Variants in CNTN5 observed in about 807,000 individuals in gnomAD.
The protein encoded by CNTN5 is contactin-5.
In CNTN5, 77 loss-of-function variants were observed where a neutral mutation model predicts 129.1. That is an observed-to-expected ratio of 0.60 (90% CI 0.50 to 0.72). The LOEUF is 0.72. CNTN5 is among the 30% of genes least tolerant of loss of function. CNTN5 has a pLI of 0.00. For synonymous variants in CNTN5, 509 were observed against 465.6 expected, an observed-to-expected ratio of 1.09 and a Z score of -1.20; for missense variants, 1,478 against 1,328.8, an observed-to-expected ratio of 1.11 and a Z score of -1.75.
At position 99,675,392 on chromosome 11, in the gene CNTN5, A is replaced by G. The variant is rs370662929; in HGVS notation, c.55+119123A>G. Reference sequence around the variant, plus strand: ...TAGATAGATTTTGGTAAAAGAGTAAAAAAATGCAGGCTGGGTGCGGTGGCT... The same window carrying G: ...TAGATAGATTTTGGTAAAAGAGTAAGAAAATGCAGGCTGGGTGCGGTGGCT... On this transcript the variant is annotated intron_variant, in intron 3 of 24. Coordinates refer to ENST00000524871, the MANE Select transcript of CNTN5 (RefSeq NM_014361.4). 2.3e-4 allele frequency among the ~76,000 whole-genome samples: 35 copies of G among 152,220 alleles called. 1 individual carries two copies. The South Asian group carries it at 6.4e-3, about 28-fold the overall frequency.
At position 99,753,563 on chromosome 11, in the gene CNTN5, G is replaced by A. The variant is rs566732388; in HGVS notation, c.56-65981G>A. Among the ~76,000 whole-genome samples, 3 of 147,322 alleles carry A rather than the reference G, an allele frequency of 2.0e-5. No individual in the cohort carries two copies. In the East Asian group the frequency reaches 6.0e-4, roughly 29 times the overall value. ...TCAGGATCTCCTTTGGCTTCTGCTT[G>A]CACTAGTTTATCAGCTTGTGGCCCC... is the stretch of plus-strand genomic sequence containing the variant. On this transcript the variant is annotated intron_variant, in intron 3 of 24. Transcript: ENST00000524871.
intron 2 of CNTN5, among the ~76,000 whole-genome samples, chr11:99,427,076 C>T (rs1411823522): frequency 2.0e-5 from 3 of 152,270 alleles, no homozygotes. Context: ...AAAACAAAAA[C>T]CTTCTGCAGT....
At chr11:100,212,947 G>A (rs1239837772) in intron 15 of CNTN5, among the ~76,000 whole-genome samples, 1 of 151,970 alleles carries the variant, frequency 6.6e-6, no homozygotes, top group Non-Finnish European at 1.5e-5. Context: ...TTAGTACTGG[G>A]AATTTCTCAA....
At chr11:100,171,452 T>C (rs1947823596) in intron 13 of CNTN5, among the ~76,000 whole-genome samples, 1 of 152,044 alleles carries the variant, frequency 6.6e-6, no homozygotes, top group Non-Finnish European at 1.5e-5. Flanking sequence ...TATTTGTCCT[T>C]TTCCTTTTTA....
intron 3 of CNTN5, among the ~76,000 whole-genome samples, chr11:99,671,044 C>T (rs1389359183): frequency 6.6e-6 from 1 of 152,096 alleles, no homozygotes; most frequent in Non-Finnish European, 1.5e-5. Flanking sequence ...AAATATCATT[C>T]ACGTGTGCTT....
rs1014163748 is a variant in CNTN5 at position 99,247,371 on chromosome 11, A to G, written c.-209-77975A>G. ...ACTCTACTCCAAAGTCTGATGTACC[A>G]TATACACAGACTTTATCTAATTGCT... On this transcript the variant is annotated intron_variant, in intron 1 of 24. Coordinates refer to ENST00000524871, the MANE Select transcript of CNTN5 (RefSeq NM_014361.4). Among the ~76,000 whole-genome samples the G allele has an allele frequency of 3.5e-4, 53 of 152,084 alleles. 1 individual carries two copies. Among genetic ancestry groups the G allele is most frequent in the Non-Finnish European group, 7.1e-4 (48 of 68,020 alleles).
At chr11:99,394,458 G>A (rs1194157049) in intron 2 of CNTN5, among the ~76,000 whole-genome samples, 1 of 151,374 alleles carries the variant, frequency 6.6e-6, no homozygotes, top group Non-Finnish European at 1.5e-5. Flanking sequence ...TTTCATTTCA[G>A]AATCAACTTA....
intron 21 of CNTN5, among the ~76,000 whole-genome samples, chr11:100,326,030 A>G (rs1428737962): frequency 2.0e-5 from 3 of 152,230 alleles, no homozygotes; most frequent in African/African-American, 7.2e-5. Context: ...TTATATTTAA[A>G]GAACAATTCA....
chr11:99,523,854 T>G (rs1947384345), intron 2 of CNTN5, among the ~76,000 whole-genome samples: 2 of 152,162 alleles, frequency 1.3e-5, no homozygotes, highest in African/African-American at 4.8e-5. Context: ...GTTTCTTTAC[T>G]GAGCGCATGC....
intron 8 of CNTN5, among the ~76,000 whole-genome samples, chr11:99,997,864 T>C (rs938972827): frequency 6.6e-6 from 1 of 152,174 alleles, no homozygotes. Flanking sequence ...CGCATATCAA[T>C]AAATGTAATC....
intron 11 of CNTN5, 58 bp downstream of exon 11, chr11:100,070,618 A>C: frequency 6.5e-7 from 1 of 1,539,910 alleles, no homozygotes; most frequent in Non-Finnish European, 8.9e-7. Flanking sequence ...TTCACACAGG[A>C]CAAACTAGGC....
intron 6 of CNTN5, among the ~76,000 whole-genome samples, chr11:99,895,944 T>G (rs1949194482): frequency 6.6e-6 from 1 of 152,154 alleles, no homozygotes; most frequent in Non-Finnish European, 1.5e-5. Flanking sequence ...ACTGCGTAAG[T>G]CCTTGCCTCT....
intron 2 of CNTN5, among the ~76,000 whole-genome samples, chr11:99,495,816 G>A (rs1205412855): frequency 6.6e-6 from 1 of 152,098 alleles, no homozygotes; most frequent in Non-Finnish European, 1.5e-5. Flanking sequence ...GTTAATCTAA[G>A]GTAGTAAGAA....
intron 24 of CNTN5, among the ~76,000 whole-genome samples, chr11:100,354,148 T>C (rs778877773): frequency 6.6e-6 from 1 of 151,650 alleles, no homozygotes; most frequent in African/African-American, 2.4e-5. Flanking sequence ...TAATTGTATT[T>C]ACCATATAGG....
At chr11:99,312,202 A>G (rs1490694585) in intron 1 of CNTN5, among the ~76,000 whole-genome samples, 2 of 152,190 alleles carry the variant, frequency 1.3e-5, no homozygotes, top group Non-Finnish European at 2.9e-5. Context: ...TACATAAACA[A>G]TTTTATCCAT....
At chr11:99,438,548 C>G (rs1055215802) in intron 2 of CNTN5, among the ~76,000 whole-genome samples, 1 of 152,088 alleles carries the variant, frequency 6.6e-6, no homozygotes, top group Non-Finnish European at 1.5e-5. Context: ...TCATATCTCT[C>G]TCTCTCTCAT....
intron 2 of CNTN5, among the ~76,000 whole-genome samples, chr11:99,509,170 A>T (rs927528811): frequency 6.6e-6 from 1 of 152,194 alleles, no homozygotes; most frequent in African/African-American, 2.4e-5. Context: ...ATTCTCATAT[A>T]TATTTCAGAA....
chr11:100,324,313 G>A (rs1951750475), intron 21 of CNTN5, among the ~76,000 whole-genome samples: 1 of 152,122 alleles, frequency 6.6e-6, no homozygotes, highest in Non-Finnish European at 1.5e-5. Context: ...GCTATACATT[G>A]TGAAGCTATA....
chr11:99,225,162 G>A (rs1411478155), intron 1 of CNTN5, among the ~76,000 whole-genome samples: 1 of 152,132 alleles, frequency 6.6e-6, no homozygotes, highest in African/African-American at 2.4e-5. Flanking sequence ...TGTTACAAAT[G>A]TATGGATTAA....
Sources: gnomAD v4.1 joint callset for allele counts (sites outside exome capture counted in the v4.1 genomes callset) on GRCh38, gnomAD v4.1.1 for gene constraint, MANE v1.5 for transcripts, NCBI Gene and HGNC (gene_info 2026-07-23, HGNC 2026-07-21) for gene names.